Variants in PKP3 observed in about 807,000 individuals in gnomAD.
PKP3 encodes the protein plakophilin-3.
A neutral mutation model predicts 76.5 loss-of-function variants in PKP3; 66 were observed. The observed-to-expected ratio is 0.86, with a 90% CI of 0.71 to 1.06. The LOEUF is 1.06. Ranked by LOEUF, PKP3 falls within the 50% of genes least tolerant of loss-of-function variation. The pLI is 0.00. For missense variants in PKP3, 1,338 were observed against 1,141.0 expected (o/e 1.17, Z -2.49); for synonymous variants, 638 against 516.5 (o/e 1.24, Z -3.19).
At chr11:403,329 A>C in intron 9 of PKP3, 66 bp downstream of exon 9, 16 of 987,178 alleles carry the variant, frequency 1.6e-5, no homozygotes, top group East Asian at 8.3e-5. Flanking sequence ...GGGACAGAGG[A>C]GGGAGAGGGA....
intron 4 of PKP3, among the ~76,000 whole-genome samples, chr11:398,342 C>T (rs1469375027): frequency 1.6e-4 from 3 of 18,996 alleles, no homozygotes; most frequent in Admixed American, 4.0e-4. Context: ...CACACACCTC[C>T]GTCACCTCCG....
At chr11:397,485 A>G in intron 3 of PKP3, 40 bp downstream of exon 3, 1 of 1,611,798 alleles carries the variant, frequency 6.2e-7, no homozygotes, top group Non-Finnish European at 8.5e-7. Flanking sequence ...GGCTTCTACC[A>G]CGGGCCCAGC....
chr11:396,594 G>T lies in PKP3; in HGVS notation c.233-14G>T, dbSNP rs199603099. The T allele has an allele frequency of 8.5e-5, 135 of 1,584,538 alleles. No homozygotes were observed. The highest frequency in any genetic ancestry group is 9.7e-5 in the Non-Finnish European group (113 of 1,162,664). On this transcript the variant is annotated splice_polypyrimidine_tract_variant and intron_variant, in intron 1 of 12. Transcript: ENST00000331563. ...TGTGTGGCAGAGCTGGGCTACCACC[G>T]TCCCTCTCCACAGGCACATCCAGGG...
chr11:393,487 C>T (rs1847002360), upstream of PKP3: 1 of 152,184 alleles, frequency 6.6e-6, no homozygotes, highest in Admixed American at 6.5e-5. Flanking sequence ...GTCCCAGAAG[C>T]CAGAGAGGGT....
chr11:395,221 G>A (rs1847029714), intron 1 of PKP3, among the ~76,000 whole-genome samples: 1 of 152,192 alleles, frequency 6.6e-6, no homozygotes, highest in South Asian at 2.1e-4. Context: ...TTCTAGGAAC[G>A]CCATTTCCTC....
chr11:400,273 G>C (rs1847129295), intron 6 of PKP3, 61 bp from the exon 7 acceptor site: 1 of 1,456,878 alleles, frequency 6.9e-7, no homozygotes, highest in Non-Finnish European at 9.3e-7. Flanking sequence ...GCCCACGATG[G>C]GTTGGGGCAA....
At chr11:403,489 G>T (rs1847193553) in intron 9 of PKP3, 129 bp from the exon 10 acceptor site, 1 of 963,604 alleles carries the variant, frequency 1.0e-6, no homozygotes, top group Non-Finnish European at 1.5e-6. Flanking sequence ...CCCCCGGCTG[G>T]GGGGCAAAGG....
chr11:400,640 C>T lies in PKP3; in HGVS notation c.1672C>T (p.Leu558=). Reference sequence around the variant, plus strand: ...GCTGGAGGGTCGCGGCCGCAGGGACCTGGCGGGGGCGCCGCCGGGAGAGGT... The same window carrying T: ...GCTGGAGGGTCGCGGCCGCAGGGACTTGGCGGGGGCGCCGCCGGGAGAGGT... ...QRLEGRGRRD[L]AGAPPGEVVG... The change falls in exon 8 of 13, where the codon CTG becomes TTG. Residue 558 remains leucine, a synonymous_variant. Coordinates refer to ENST00000331563, the MANE Select transcript of PKP3 (RefSeq NM_007183.4). The T allele has an allele frequency of 7.3e-7, 1 of 1,377,064 alleles. No individual in the cohort carries two copies. Among genetic ancestry groups the T allele is most frequent in the Non-Finnish European group, 9.3e-7 (1 of 1,073,044 alleles). The allele number at this position is 1,377,064 out of a possible 1,614,324, so 85.3% of individuals were successfully genotyped here.
In PKP3 at chr11:399,980, C is replaced by T; in HGVS notation, c.1287C>T (p.Asn429=). 2 of 1,603,240 alleles carry T rather than the reference C, an allele frequency of 1.2e-6. No individual in the cohort carries two copies. Among genetic ancestry groups the T allele is most frequent in the Non-Finnish European group, 1.7e-6 (2 of 1,176,448 alleles). Residue 429 remains asparagine, a synonymous_variant, in exon 6 of 13, where the codon AAC becomes AAT. Coordinates refer to ENST00000331563, the MANE Select transcript of PKP3 (RefSeq NM_007183.4). ...CCCGTCCTCCAGGGATCCTGTGGAA[C>T]CTTTCATCCAGCGACCACCTGAAGG... ...LRKNVTGILW[N]LSSSDHLKDR...
At chr11:397,854 C>A (rs1274931952) in intron 4 of PKP3, 192 bp downstream of exon 4, 1 of 601,042 alleles carries the variant, frequency 1.7e-6, no homozygotes. Flanking sequence ...GTATCACCTG[C>A]ATCACCTCCG....
Position 400,621 on chromosome 11 carries a change from G to T in PKP3, c.1653G>T (p.Glu551Asp). 7.0e-7 allele frequency: 1 copy of T among 1,427,362 alleles called. No individual in the cohort carries two copies. Among genetic ancestry groups the T allele is most frequent in the Non-Finnish European group, 9.1e-7 (1 of 1,099,656 alleles). 88.4% of individuals were successfully genotyped at this position (1,427,362 alleles called of 1,614,324 possible). ...EMPPSALQRL[E>D]GRGRRDLAGA... is the part of the protein sequence containing the mutation. ...CGCCGTCCGCGCTGCAGCGGCTGGA[G>T]GGTCGCGGCCGCAGGGACCTGGCGG... Residue 551 changes from glutamate (E) to aspartate (D), a missense_variant, in exon 8 of 13, where the codon GAG (glutamate) becomes GAT (aspartate). Transcript: ENST00000331563.
Position 404,652 on chromosome 11 carries a change from G to T in PKP3, c.*83G>T. The T allele has an allele frequency of 7.2e-7, 1 of 1,384,212 alleles. No individual in the cohort carries two copies. Among genetic ancestry groups the T allele is most frequent in the Non-Finnish European group, 1.0e-6 (1 of 975,968 alleles). 85.7% of individuals were successfully genotyped at this position (1,384,212 alleles called of 1,614,324 possible). ...TCCAGGCTGCTTGGCAGCCCAGCCT[G>T]GAGGAGAAGGCTAATGACGGAGGGG... On this transcript the variant is annotated 3_prime_UTR_variant, in exon 13 of 13. Coordinates refer to ENST00000331563, the MANE Select transcript of PKP3 (RefSeq NM_007183.4). This position sits in a 1 kb window ranked among gnomAD's most constrained non-coding sequence, Gnocchi z 4.2.
intron 4 of PKP3, among the ~76,000 whole-genome samples, chr11:398,025 G>GCGTCACCTCCGTACCCCCGCACACACCTC (rs1847082525): frequency 3.1e-5 from 2 of 65,450 alleles, no homozygotes; most frequent in African/African-American, 1.4e-4. Flanking sequence ...ACACACACCT[G>GCGTCACCTCCGTACCCCCGCACACACCTC]CGTCACCTCC....
rs913516606 is a variant in PKP3, at chr11:397,876, A to G, written c.1068+214A>G. The G allele has an allele frequency of 4.2e-5, 23 of 552,554 alleles. No homozygotes were observed. The African/African-American group carries it at 4.4e-4, about 11-fold the overall frequency. The allele number at this position is 552,554 out of a possible 1,614,324, so 34.2% of individuals were successfully genotyped here. ...CTGCATCACCTCCGTACCCCCACATATACCTCATCACCTCCGTACACCCGC... is the reference window on the plus strand; with the variant it reads ...CTGCATCACCTCCGTACCCCCACATGTACCTCATCACCTCCGTACACCCGC... On this transcript the variant is annotated intron_variant, in intron 4 of 12. Transcript: ENST00000331563.
rs200933703 is a variant in PKP3 at position 396,946 on chromosome 11, G to C, written c.445G>C (p.Gly149Arg). 4.9e-5 allele frequency: 79 copies of C among 1,596,528 alleles called. No individual in the cohort carries two copies. The African/African-American group carries it at 1.0e-3, about 20-fold the overall frequency. ...GGSAFGAAGYGGAQPTPPMPT... is the reference protein window; with the variant it reads ...GGSAFGAAGYRGAQPTPPMPT... ...CAGCGCCTTTGGGGCCGCTGGGTAC[G>C]GGGGTGCCCAGCCCACCCCTCCCAT... Residue 149 changes from glycine to arginine, a missense_variant, in exon 3 of 13, where the codon GGG becomes CGG. Coordinates refer to ENST00000331563, the MANE Select transcript of PKP3 (RefSeq NM_007183.4).
At chr11:400,503 C>A in intron 7 of PKP3, 32 bp from the exon 8 acceptor site, 1 of 1,500,850 alleles carries the variant, frequency 6.7e-7, no homozygotes, top group Non-Finnish European at 8.9e-7. Context: ...GCCGCTCTGA[C>A]CCGCGCCCCT....
In PKP3 at chr11:400,641, T is replaced by G. The variant is rs1414979576; in HGVS notation, c.1673T>G (p.Leu558Arg). The change falls in exon 8 of 13, where the codon CTG becomes CGG. Residue 558 changes from leucine (L) to arginine (R), a missense_variant. By Grantham distance (102) the Leu-to-Arg change is moderately radical. Transcript: ENST00000331563. ...CTGGAGGGTCGCGGCCGCAGGGACC[T>G]GGCGGGGGCGCCGCCGGGAGAGGTC... is the stretch of plus-strand genomic sequence containing the variant. ...QRLEGRGRRD[L>R]AGAPPGEVVG... The G allele has an allele frequency of 2.0e-5, 27 of 1,376,250 alleles. 1 individual carries two copies. The South Asian group carries it at 4.2e-4, about 21-fold the overall frequency. The allele number at this position is 1,376,250 out of a possible 1,614,324, so 85.3% of individuals were successfully genotyped here. A position where few individuals can be genotyped will look rare whatever the true frequency, so the allele number is the denominator to read the frequency against.
intron 6 of PKP3, 67 bp downstream of exon 6, chr11:400,208 C>T (rs965648801): frequency 3.5e-6 from 5 of 1,426,158 alleles, no homozygotes; most frequent in Non-Finnish European, 3.7e-6. Flanking sequence ...TCCGCCTGGC[C>T]TGGCGTTCGC....
At position 399,953 on chromosome 11, in the gene PKP3, C is replaced by T. The variant is rs1462491868; in HGVS notation, c.1274-14C>T. The T allele has an allele frequency of 2.5e-6, 4 of 1,584,688 alleles. No homozygotes were observed. In the African/African-American group the frequency reaches 4.0e-5, roughly 16 times the overall value. On this transcript the variant is annotated splice_polypyrimidine_tract_variant and intron_variant, in intron 5 of 12. Transcript: ENST00000331563. The stretch of plus-strand genomic sequence containing the variant: ...GGAGGGCAGACGCTGATAGCAGCCT[C>T]CCCCGTCCTCCAGGGATCCTGTGGA...
Sources: allele counts gnomAD v4.1 joint callset (sites outside exome capture counted in the v4.1 genomes callset), GRCh38; gene constraint gnomAD v4.1.1; non-coding constraint Gnocchi (gnomAD v3.1); transcripts MANE v1.5; gene names NCBI Gene and HGNC (gene_info 2026-07-23, HGNC 2026-07-21).